The following CLTC variants were observed in gnomAD, a reference collection of about 807,000 sequenced individuals.
The protein encoded by CLTC is clathrin heavy chain, also known as clathrin heavy chain 1.
In CLTC, 16 loss-of-function variants were observed where a neutral mutation model predicts 195.8. The observed-to-expected ratio is 0.08, with a 90% CI of 0.06 to 0.12. The LOEUF (loss-of-function observed/expected upper bound fraction) is 0.12. Ranked by LOEUF, CLTC falls within the 10% of genes least tolerant of loss-of-function variation. The pLI is 1.00. For missense variants in CLTC, 796 were observed against 2,027.0 expected (o/e 0.39, Z 11.66); for synonymous variants, 667 against 689.4 (o/e 0.97, Z 0.51).
intron 9 of CLTC, among the ~76,000 whole-genome samples, 200 bp downstream of exon 9, chr17:59,664,194 A>G (rs1282566838): frequency 6.6e-6 from 1 of 152,240 alleles, no homozygotes; most frequent in Non-Finnish European, 1.5e-5. Flanking sequence ...GGCTTATCAG[A>G]ATTTCAGATA....
intron 1 of CLTC, among the ~76,000 whole-genome samples, chr17:59,626,270 CG>C (rs2031547946): frequency 1.3e-5 from 2 of 152,070 alleles, no homozygotes; most frequent in South Asian, 4.1e-4. Flanking sequence ...TTTATGTGTT[CG>C]AACATTTGAT....
At chr17:59,656,051 CA>C in intron 6 of CLTC, 24 bp downstream of exon 6, 3 of 1,589,066 alleles carry the variant, frequency 1.9e-6, no homozygotes, top group Non-Finnish European at 2.6e-6. Flanking sequence ...GAAACTTAAG[CA>C]ATAAAATAAG....
At chr17:59,660,943 A>G (rs1187626532) in intron 7 of CLTC, among the ~76,000 whole-genome samples, 3 of 152,162 alleles carry the variant, frequency 2.0e-5, no homozygotes, top group Admixed American at 2.0e-4. Flanking sequence ...ATACTGTCCA[A>G]TTTTATAGTG....
intron 14 of CLTC, chr17:59,670,888 T>C (rs1416462022): frequency 1.3e-5 from 2 of 152,178 alleles, no homozygotes; most frequent in African/African-American, 2.4e-5. Flanking sequence ...TGGATGTGGA[T>C]TATGAGCTTT....
rs774733471 is a variant in CLTC, at chr17:59,683,607, T to G, written c.4192-18T>G. 13 of 1,613,838 alleles carry G rather than the reference T, an allele frequency of 8.1e-6. No individual in the cohort carries two copies. Among genetic ancestry groups the G allele is most frequent in the Non-Finnish European group, 1.1e-5 (13 of 1,179,772 alleles). On this transcript the variant is annotated intron_variant, in intron 26 of 31. Transcript: ENST00000269122. This position sits in a 1 kb window ranked among gnomAD's most constrained non-coding sequence, Gnocchi z 6.1. ...CATTAGGAAGTAACTGACTTATGTA[T>G]GGATTTTCCCATTGTAGGTTGCCAA... is the stretch of plus-strand genomic sequence containing the variant.
chr17:59,650,212 A>G (rs563798057), intron 4 of CLTC, among the ~76,000 whole-genome samples: 27 of 152,276 alleles, frequency 1.8e-4, no homozygotes, highest in Non-Finnish European at 3.1e-4. Context: ...GCTTATGTGC[A>G]GCATTGGATA....
chr17:59,641,626 AAG>A (rs1555602529), intron 1 of CLTC, among the ~76,000 whole-genome samples: 12 of 151,074 alleles, frequency 7.9e-5, no homozygotes, highest in African/African-American at 9.7e-5. Context: ...AAAAAAAAAA[AAG>A]AGTTTGTCAC....
chr17:59,648,172 T>C lies in CLTC; in HGVS notation c.520-68T>C. On this transcript the variant is annotated intron_variant, in intron 3 of 31. Transcript: ENST00000269122. This position sits in a 1 kb window ranked among gnomAD's most constrained non-coding sequence, Gnocchi z 4.5. ...ATGACAAAGCATTCTAATTATTTCA[T>C]TACTTGATGAATCTGAGAGTTTTTG... The C allele has an allele frequency of 1.5e-6, 2 of 1,348,206 alleles. No individual in the cohort carries two copies. The highest frequency in any genetic ancestry group is 2.0e-6 in the Non-Finnish European group (2 of 982,438). 83.5% of individuals were successfully genotyped at this position (1,348,206 alleles called of 1,614,324 possible).
chr17:59,690,023 T>C (rs1326765829), intron 30 of CLTC: 2 of 152,216 alleles, frequency 1.3e-5, no homozygotes, highest in Admixed American at 1.3e-4. Flanking sequence ...GCAAACATTT[T>C]TGGGACAAAA....
chr17:59,673,096 TG>T (rs1423182478), intron 14 of CLTC, among the ~76,000 whole-genome samples: 1 of 57,132 alleles, frequency 1.8e-5, no homozygotes, highest in East Asian at 1.5e-3. Flanking sequence ...CTTTAAATGC[TG>T]GGTTTTTTTT....
intron 9 of CLTC, chr17:59,664,545 T>C: frequency 3.2e-6 from 1 of 311,608 alleles, no homozygotes; most frequent in Non-Finnish European, 5.6e-6. Context: ...AGCAAGACCC[T>C]GTCTCAAAAA....
chr17:59,673,909 T>G, intron 15 of CLTC, 137 bp downstream of exon 15: 1 of 574,394 alleles, frequency 1.7e-6, no homozygotes, highest in South Asian at 2.4e-5. Flanking sequence ...GTTTTTGTTT[T>G]TGTTTTGGAG....
chr17:59,660,933 A>G (rs1426552683), intron 7 of CLTC, among the ~76,000 whole-genome samples: 1 of 152,220 alleles, frequency 6.6e-6, no homozygotes, highest in Non-Finnish European at 1.5e-5. Context: ...CATGAAATAC[A>G]TACTGTCCAA....
intron 1 of CLTC, among the ~76,000 whole-genome samples, chr17:59,620,767 C>G (rs1598194827): frequency 6.6e-6 from 1 of 152,108 alleles, no homozygotes; most frequent in African/African-American, 2.4e-5. Flanking sequence ...GCAGTAGGGA[C>G]AGAAGGTCAC....
chr17:59,643,469 C>T (rs2032102499), intron 1 of CLTC, among the ~76,000 whole-genome samples: 1 of 152,026 alleles, frequency 6.6e-6, no homozygotes, highest in African/African-American at 2.4e-5. Flanking sequence ...AATCTAATTC[C>T]ATTATTTTCC....
intron 6 of CLTC, 28 bp from the exon 7 acceptor site, chr17:59,660,363 C>T (rs768058154): frequency 1.3e-6 from 2 of 1,586,586 alleles, no homozygotes; most frequent in South Asian, 1.1e-5. Flanking sequence ...GAACACATTG[C>T]AGCTACATTT....
chr17:59,672,395 A>G (rs940022969), intron 14 of CLTC, among the ~76,000 whole-genome samples: 1 of 152,248 alleles, frequency 6.6e-6, no homozygotes. Flanking sequence ...AGTGATAAAG[A>G]TAACAAAAAT....
Position 59,685,408 on chromosome 17 carries a change from G to GA in CLTC, c.4606-171dup, listed in dbSNP as rs35359110. ...TATGTTAAGGTCAAACTTGTCTGGG[G>GA]AAAAAAAAGCTTTTAGCTTATCTCT... On this transcript the variant is annotated intron_variant, in intron 29 of 31. Transcript: ENST00000269122. This position sits in a 1 kb window ranked among gnomAD's most constrained non-coding sequence, Gnocchi z 5.0. 2.3e-4 allele frequency among the ~76,000 whole-genome samples: 35 copies of GA among 151,556 alleles called. No homozygotes were observed. The highest frequency in any genetic ancestry group is 8.0e-4 in the African/African-American group (33 of 41,406).
intron 30 of CLTC, among the ~76,000 whole-genome samples, chr17:59,686,784 T>C (rs1021615097): frequency 7.9e-5 from 12 of 152,360 alleles, no homozygotes; most frequent in Admixed American, 7.2e-4. Flanking sequence ...ATTAAGCTGC[T>C]TTCTTTCATA....
Sources: gnomAD v4.1 joint callset for allele counts (sites outside exome capture counted in the v4.1 genomes callset) on GRCh38, gnomAD v4.1.1 for gene constraint, Gnocchi (gnomAD v3.1) non-coding constraint, MANE v1.5 for transcripts, NCBI Gene and HGNC (gene_info 2026-07-23, HGNC 2026-07-21) for gene names.